The following DPP4 variants were observed in gnomAD, a reference collection of about 807,000 sequenced individuals.
DPP4 encodes dipeptidyl peptidase 4.
Under a neutral mutation model 122.4 loss-of-function variants are expected in DPP4, and 93 were observed. The observed-to-expected ratio is 0.76, with a 90% CI of 0.64 to 0.90. The LOEUF (loss-of-function observed/expected upper bound fraction) is 0.90, where lower values mean the gene tolerates loss of function less well. DPP4 is among the 40% of genes least tolerant of loss of function. The pLI is 0.00. For synonymous variants in DPP4, 321 were observed against 302.9 expected (o/e 1.06, Z -0.62); for missense variants, 914 against 907.3 (o/e 1.01, Z -0.09).
chr2:162,006,989 C>T (rs1191009223), intron 22 of DPP4, among the ~76,000 whole-genome samples: 1 of 152,048 alleles, frequency 6.6e-6, no homozygotes, highest in African/African-American at 2.4e-5. Flanking sequence ...TTACAAACTA[C>T]ACTAATGAGT....
intron 2 of DPP4, among the ~76,000 whole-genome samples, chr2:162,050,329 A>C (rs1684338953): frequency 6.6e-6 from 1 of 152,216 alleles, no homozygotes; most frequent in Non-Finnish European, 1.5e-5. Context: ...AATAGATGTA[A>C]TTTGAAATAT....
intron 23 of DPP4, among the ~76,000 whole-genome samples, chr2:162,000,763 G>T (rs1397735351): frequency 6.6e-6 from 1 of 152,178 alleles, no homozygotes; most frequent in African/African-American, 2.4e-5. Context: ...AGTCCCTTCT[G>T]TGTGTTCCAG....
At chr2:162,034,217 T>C (rs1683681913) in intron 9 of DPP4, among the ~76,000 whole-genome samples, 2 of 152,070 alleles carry the variant, frequency 1.3e-5, no homozygotes, top group Admixed American at 1.3e-4. Context: ...CTGAAACCTA[T>C]AAAACCTTTT....
chr2:162,060,558 A>G (rs1576072225), intron 2 of DPP4, among the ~76,000 whole-genome samples: 2 of 152,306 alleles, frequency 1.3e-5, no homozygotes, highest in East Asian at 3.9e-4. Flanking sequence ...ATATTATACA[A>G]TGCTGAACAA....
At chr2:162,033,737 G>A (rs966889994) in intron 9 of DPP4, 84 bp from the exon 10 acceptor site, 12 of 838,614 alleles carry the variant, frequency 1.4e-5, no homozygotes, top group East Asian at 2.7e-5. Flanking sequence ...GCACAAAAAC[G>A]TCTGCATTAT....
Position 162,008,670 on chromosome 2 carries a change from T to C in DPP4, c.1888-9A>G, listed in dbSNP as rs755788492. The C allele has an allele frequency of 6.2e-7, 1 of 1,609,348 alleles. No homozygotes were observed. The highest frequency in any genetic ancestry group is 8.5e-7 in the Non-Finnish European group (1 of 1,175,902). ...ACGTACCCTCCATATGACTAAGGAATGGAAACAGTTATTTTTATGGAGGTA... is the reference window on the plus strand; with the variant it reads ...ACGTACCCTCCATATGACTAAGGAACGGAAACAGTTATTTTTATGGAGGTA... On this transcript the variant is annotated splice_polypyrimidine_tract_variant and intron_variant, in intron 21 of 25. Transcript: ENST00000360534.
chr2:162,011,927 G>T lies in DPP4; in HGVS notation c.1698C>A (p.Tyr566Ter). 6.2e-7 allele frequency: 1 copy of T among 1,613,782 alleles called. No individual in the cohort carries two copies. Among genetic ancestry groups the T allele is most frequent in the Admixed American group, 1.7e-5 (1 of 59,998 alleles). Residue 566 changes from tyrosine (Y) to a stop codon, truncating the protein, a stop_gained, in exon 20 of 26, where the codon TAC becomes TAA. Coordinates refer to ENST00000360534, the MANE Select transcript of DPP4 (RefSeq NM_001935.4). LOFTEE classifies it high-confidence loss of function. ...CTATAATGTTTTCTGTGCTTGCAAG[G>T]TAAGTGGCCCAGTTCAGTCTGAAGA... ...DTVFRLNWAT[Y>*]LASTENIIVA...
chr2:162,060,879 C>A (rs1396955664), intron 2 of DPP4, among the ~76,000 whole-genome samples: 1 of 149,124 alleles, frequency 6.7e-6, no homozygotes, highest in East Asian at 2.0e-4. Flanking sequence ...CCTTCCTTCC[C>A]TCTTTCTTTC....
At position 161,996,078 on chromosome 2, in the gene DPP4, A is replaced by T. The variant is rs536213288; in HGVS notation, c.2053-706T>A. Among the ~76,000 whole-genome samples the T allele has an allele frequency of 3.6e-5, 5 of 140,186 alleles. No individual in the cohort carries two copies. The East Asian group carries it at 7.3e-4, about 20-fold the overall frequency. 92.0% of individuals were successfully genotyped at this position (140,186 alleles called of 152,430 possible). On this transcript the variant is annotated intron_variant, in intron 23 of 25. Coordinates refer to ENST00000360534, the MANE Select transcript of DPP4 (RefSeq NM_001935.4). ...ACCCAAATTAGCCAAGAAATAGGAT[A>T]AAAAAAAAAATTGGGAAGTCAGCTT...
At chr2:162,036,360 T>G (rs1040628211) in intron 8 of DPP4, among the ~76,000 whole-genome samples, 3 of 152,188 alleles carry the variant, frequency 2.0e-5, no homozygotes, top group Admixed American at 6.5e-5. Context: ...GTAATAATAA[T>G]TATTGTGATG....
chr2:162,046,122 T>C (rs1684166129), intron 4 of DPP4, among the ~76,000 whole-genome samples: 1 of 152,206 alleles, frequency 6.6e-6, no homozygotes, highest in Admixed American at 6.5e-5. Flanking sequence ...GATACTCTGG[T>C]GACACAGTGG....
intron 10 of DPP4, among the ~76,000 whole-genome samples, chr2:162,030,229 C>A (rs902099819): frequency 6.6e-6 from 1 of 152,210 alleles, no homozygotes. Context: ...AGCATCATAA[C>A]AAATCTAATC....
intron 20 of DPP4, among the ~76,000 whole-genome samples, chr2:162,009,513 T>TTGTGTGTGTG (rs57878632): frequency 0.016 from 2,365 of 144,344 alleles, 48 homozygotes; most frequent in African/African-American, 0.042. Flanking sequence ...TTCATAAAAA[T>TTGTGTGTGTG]TGTGTGTGTG....
At chr2:162,006,923 G>T (rs966367814) in intron 22 of DPP4, among the ~76,000 whole-genome samples, 1 of 151,886 alleles carries the variant, frequency 6.6e-6, no homozygotes. Flanking sequence ...TTTTAAAAAT[G>T]GATATATTAT....
In DPP4 at chr2:162,073,496, G is replaced by A. The variant is rs200628893; in HGVS notation, c.7-10C>T. On this transcript the variant is annotated splice_polypyrimidine_tract_variant and intron_variant, in intron 1 of 25. Coordinates refer to ENST00000360534, the MANE Select transcript of DPP4 (RefSeq NM_001935.4). ...GAACCTTCCACGGTGTCTGCAAGCC[G>A]AGCAGATCAAGTCCAATTAGAGGGA... 3 of 1,613,394 alleles carry A rather than the reference G, an allele frequency of 1.9e-6. No individual in the cohort carries two copies. The highest frequency in any genetic ancestry group is 1.1e-5 in the South Asian group (1 of 91,028).
rs1553663376 is a variant in DPP4 at position 162,020,317 on chromosome 2, T to TTC, written c.1177-22_1177-21insGA. Reference sequence around the variant, plus strand: ...CAGTCCTGATGGTTTTTTTTTTTTTTCAAAAAAAAAAAAAAGATTGATTAG... The same window carrying TTC: ...CAGTCCTGATGGTTTTTTTTTTTTTTTCCAAAAAAAAAAAAAAGATTGATTAG... On this transcript the variant is annotated intron_variant, in intron 13 of 25. Transcript: ENST00000360534. The TTC allele has an allele frequency of 3.9e-5, 53 of 1,374,674 alleles. No homozygotes were observed. In the Middle Eastern group the frequency reaches 7.6e-4, roughly 20 times the overall value. The allele number at this position is 1,374,674 out of a possible 1,614,324, so 85.2% of individuals were successfully genotyped here. A position where few individuals can be genotyped will look rare whatever the true frequency, so the allele number is the denominator to read the frequency against.
Position 162,014,420 on chromosome 2 carries a change from T to C in DPP4, c.1613A>G (p.Lys538Arg). ...CACATCTAATAGTAGAGGATATTTC[T>C]TGGATTTATCAAAATGAGGAGGCAA... ...MILPPHFDKS[K>R]KYPLLLDVYA... Residue 538 changes from lysine to arginine, a missense_variant, in exon 19 of 26, where the codon AAG becomes AGG. By Grantham distance (26) the Lys-to-Arg change is conservative (BLOSUM62 2). Coordinates refer to ENST00000360534, the MANE Select transcript of DPP4 (RefSeq NM_001935.4). 6.2e-7 allele frequency: 1 copy of C among 1,609,054 alleles called. No homozygotes were observed.
intron 2 of DPP4, among the ~76,000 whole-genome samples, chr2:162,048,877 A>T (rs1245800901): frequency 6.6e-6 from 1 of 152,142 alleles, no homozygotes; most frequent in Non-Finnish European, 1.5e-5. Context: ...TTTAATTTTT[A>T]CGTCAACCTT....
At chr2:162,030,909 T>C (rs571427450) in intron 10 of DPP4, among the ~76,000 whole-genome samples, 1 of 152,338 alleles carries the variant, frequency 6.6e-6, no homozygotes, top group Admixed American at 6.5e-5. Context: ...CAAGAACTTA[T>C]TGACGAATTC....
Sources: gnomAD v4.1 joint callset for allele counts (sites outside exome capture counted in the v4.1 genomes callset) on GRCh38, gnomAD v4.1.1 for gene constraint, MANE v1.5 for transcripts, NCBI Gene and HGNC (gene_info 2026-07-23, HGNC 2026-07-21) for gene names.